PDZD8: variants seen among roughly 807,000 people sequenced by gnomAD.
PDZD8 encodes PDZ domain containing 8.
A neutral mutation model predicts 85.8 loss-of-function variants in PDZD8; 14 were observed. The ratio of observed to expected loss-of-function variants is 0.16; its 90% CI spans 0.11 to 0.26. The LOEUF (loss-of-function observed/expected upper bound fraction) is 0.26. Among genes scored for constraint, PDZD8 ranks in the 10% least tolerant of loss-of-function variants. The pLI is 1.00. For synonymous variants in PDZD8, 592 were observed against 568.6 expected (o/e 1.04, Z -0.59); for missense variants, 1,197 against 1,424.3 (o/e 0.84, Z 2.57).
chr10:117,337,498 C>T (rs546898287), intron 2 of PDZD8, among the ~76,000 whole-genome samples: 23 of 152,312 alleles, frequency 1.5e-4, no homozygotes, highest in African/African-American at 5.3e-4. Context: ...CATAATACTG[C>T]CTTTCCACCC....
rs1426668699 is a variant in PDZD8 at position 117,284,788 on chromosome 10, T to G, written c.1945A>C (p.Lys649Gln). 8.7e-6 allele frequency: 14 copies of G among 1,614,120 alleles called. No homozygotes were observed. Among genetic ancestry groups the G allele is most frequent in the Non-Finnish European group, 1.1e-5 (13 of 1,180,040 alleles). Residue 649 changes from lysine to glutamine, a missense_variant, in exon 5 of 5, where the codon AAG (lysine) becomes CAG (glutamine). By Grantham distance (53) the Lys-to-Gln change is moderately conservative. Around this residue, in one of 4 missense-constraint regions of PDZD8, gnomAD observed 263 missense variants for 261.9 expected, o/e 1.00. Transcript: ENST00000334464. ...VDAIDDAAAPKQFLAKQEVAK... is the reference protein window; with the variant it reads ...VDAIDDAAAPQQFLAKQEVAK... ...ACTTCTTGCTTTGCTAAAAATTGCTTAGGTGCAGCTGCATCGTCTATGGCA... is the reference window on the plus strand; with the variant it reads ...ACTTCTTGCTTTGCTAAAAATTGCTGAGGTGCAGCTGCATCGTCTATGGCA...
chr10:117,283,640 T>C lies in PDZD8; in HGVS notation c.3093A>G (p.Glu1031=), dbSNP rs1301102186. Residue 1031 remains glutamate (E), a synonymous_variant, in exon 5 of 5, where the codon GAA becomes GAG. Coordinates refer to ENST00000334464, the MANE Select transcript of PDZD8 (RefSeq NM_173791.5). ...RDLYRGLPTE[E]RIQKLEFMLD... is the part of the protein sequence containing the mutation. ...ACATGAACTCTAGTTTCTGGATCCT[T>C]TCCTCTGTAGGCAAGCCCCTGTACA... 2.5e-6 allele frequency: 4 copies of C among 1,614,238 alleles called. No homozygotes were observed. The Admixed American group carries it at 5.0e-5, about 20-fold the overall frequency.
In PDZD8 at chr10:117,374,031, C is replaced by T. The variant is rs1267337371; in HGVS notation, c.872+325G>A. ...ACCACATAGAGGGAGAGTTTCTCAA[C>T]AGTCCCAGAAGCGACTCCTGGGGAT... On this transcript the variant is annotated intron_variant, in intron 1 of 4. Transcript: ENST00000334464. The surrounding 1 kb of genome is among the most constrained non-coding windows in gnomAD (Gnocchi z 7.8). Among the ~76,000 whole-genome samples the T allele has an allele frequency of 6.6e-6, 1 of 152,196 alleles. No individual in the cohort carries two copies. Among genetic ancestry groups the T allele is most frequent in the African/African-American group, 2.4e-5 (1 of 41,458 alleles).
chr10:117,330,040 G>C (rs1389091374), intron 2 of PDZD8, among the ~76,000 whole-genome samples: 9 of 109,104 alleles, frequency 8.2e-5, no homozygotes, highest in African/African-American at 2.9e-4. Context: ...GAGGGAGGGA[G>C]GGAGGGAGGG....
chr10:117,354,969 A>T (rs940223549), intron 1 of PDZD8, among the ~76,000 whole-genome samples: 5 of 152,228 alleles, frequency 3.3e-5, no homozygotes, highest in African/African-American at 1.2e-4. Flanking sequence ...GGCATACATT[A>T]TCATGCAAAC....
In PDZD8 at chr10:117,318,922, C is replaced by T; in HGVS notation, c.1048G>A (p.Glu350Lys). The change falls in exon 3 of 5, where the codon GAG becomes AAG. Residue 350 changes from glutamate to lysine, a missense_variant. Coordinates refer to ENST00000334464, the MANE Select transcript of PDZD8 (RefSeq NM_173791.5). Reference protein sequence around the residue: ...DREANVHCTLELSSSVWEEKQ... With the variant: ...DREANVHCTLKLSSSVWEEKQ... The stretch of plus-strand genomic sequence containing the variant: ...TCTTCCCAAACACTACTGCTTAACT[C>T]AAGTGTGCAATGAACATTTGCCTCT... 1 of 1,612,346 alleles carries T rather than the reference C, an allele frequency of 6.2e-7. No individual in the cohort carries two copies. Among genetic ancestry groups the T allele is most frequent in the Non-Finnish European group, 8.5e-7 (1 of 1,178,908 alleles).
intron 2 of PDZD8, among the ~76,000 whole-genome samples, chr10:117,330,051 A>G (rs1844394932): frequency 8.1e-6 from 1 of 123,286 alleles, no homozygotes; most frequent in African/African-American, 3.2e-5. Context: ...GGAGGGAGGG[A>G]AAAATCTGTT....
chr10:117,340,042 T>C (rs1487742481), intron 2 of PDZD8, among the ~76,000 whole-genome samples: 5 of 152,174 alleles, frequency 3.3e-5, no homozygotes, highest in Non-Finnish European at 2.9e-5. Flanking sequence ...AAGGCTAGTA[T>C]AGTAAGTAGC....
chr10:117,365,662 A>G (rs1845075505), intron 1 of PDZD8, among the ~76,000 whole-genome samples: 1 of 152,202 alleles, frequency 6.6e-6, no homozygotes. Context: ...TCCCTAGTAC[A>G]AATACAGGAA....
At chr10:117,365,072 AGAG>A (rs1005382040) in intron 1 of PDZD8, among the ~76,000 whole-genome samples, 6 of 151,992 alleles carry the variant, frequency 3.9e-5, no homozygotes, top group Non-Finnish European at 7.4e-5. Context: ...ATCAAAATGG[AGAG>A]GAGATTTTTA....
intron 2 of PDZD8, among the ~76,000 whole-genome samples, chr10:117,336,690 AG>A (rs2133839434): frequency 6.6e-6 from 1 of 152,202 alleles, no homozygotes; most frequent in East Asian, 1.9e-4. Flanking sequence ...ATCCATCTTG[AG>A]GGGGTTCCTA....
chr10:117,290,966 C>T (rs1255947416), intron 3 of PDZD8, among the ~76,000 whole-genome samples: 1 of 149,612 alleles, frequency 6.7e-6, no homozygotes, highest in East Asian at 2.0e-4. Context: ...ACCTCCCAGG[C>T]GCAAGTGATT....
intron 1 of PDZD8, among the ~76,000 whole-genome samples, chr10:117,352,932 G>A (rs1436105954): frequency 6.6e-6 from 1 of 152,046 alleles, no homozygotes; most frequent in Non-Finnish European, 1.5e-5. Flanking sequence ...GATTGGTTGG[G>A]GCAGAGATGA....
At chr10:117,304,918 T>C (rs1026431973) in intron 3 of PDZD8, among the ~76,000 whole-genome samples, 8 of 152,138 alleles carry the variant, frequency 5.3e-5, no homozygotes, top group African/African-American at 1.9e-4. Context: ...ACAGTATCTG[T>C]AGAAAACTGA....
intron 1 of PDZD8, among the ~76,000 whole-genome samples, chr10:117,367,126 C>T (rs1206260601): frequency 6.6e-6 from 1 of 152,106 alleles, no homozygotes; most frequent in Non-Finnish European, 1.5e-5. Context: ...GAATTTATAG[C>T]CTCCCGGCAG....
chr10:117,374,458 G>C lies in PDZD8; in HGVS notation c.770C>G (p.Ser257Cys), dbSNP rs541666899. The change falls in exon 1 of 5, where the codon TCC becomes TGC. Residue 257 changes from serine to cysteine, a missense_variant. By Grantham distance (112) the Ser-to-Cys change is moderately radical. This residue lies in a region of PDZD8 where 344 missense variants were observed against 453.6 expected (regional missense o/e 0.76). Transcript: ENST00000334464. The surrounding 1 kb of genome is among the most constrained non-coding windows in gnomAD (Gnocchi z 7.8). Reference sequence around the variant, plus strand: ...GGGCATGGGCCGCCCTTCAAACTGGGAGCGCACCTCGAAGTCGATCAGCGG... The same window carrying C: ...GGGCATGGGCCGCCCTTCAAACTGGCAGCGCACCTCGAAGTCGATCAGCGG... ...EDPLIDFEVR[S>C]QFEGRPMPQL... 1.2e-6 allele frequency: 2 copies of C among 1,614,176 alleles called. No individual in the cohort carries two copies. Among genetic ancestry groups the C allele is most frequent in the Non-Finnish European group, 1.7e-6 (2 of 1,180,012 alleles).
chr10:117,371,100 T>C (rs1845181693), intron 1 of PDZD8, among the ~76,000 whole-genome samples: 1 of 152,210 alleles, frequency 6.6e-6, no homozygotes, highest in Admixed American at 6.5e-5. Context: ...CTGTGAGAAG[T>C]ATGCTATATC....
At chr10:117,328,026 C>G (rs879716135) in intron 2 of PDZD8, among the ~76,000 whole-genome samples, 2 of 152,152 alleles carry the variant, frequency 1.3e-5, no homozygotes, top group Non-Finnish European at 2.9e-5. Flanking sequence ...TACACAGAAG[C>G]ATCTGTCCAA....
At chr10:117,339,310 G>T (rs1241236062) in intron 2 of PDZD8, among the ~76,000 whole-genome samples, 2 of 152,162 alleles carry the variant, frequency 1.3e-5, no homozygotes, top group Non-Finnish European at 2.9e-5. Context: ...ACAAACAAGT[G>T]TCAAAGAAAT....
Sources: gnomAD v4.1 joint callset for allele counts (sites outside exome capture counted in the v4.1 genomes callset) on GRCh38, gnomAD v4.1.1 for gene constraint, gnomAD v4.1.1 regional missense constraint, Gnocchi (gnomAD v3.1) non-coding constraint, MANE v1.5 for transcripts, NCBI Gene and HGNC (gene_info 2026-07-23, HGNC 2026-07-21) for gene names.